Variants in P2RY10 observed in about 807,000 individuals in gnomAD.
P2RY10 encodes the protein putative P2Y purinoceptor 10.
P2RY10 carries 4 observed loss-of-function variants against 12.1 expected under a neutral mutation model. The observed-to-expected ratio is 0.33, with a 90% CI of 0.16 to 0.76. The LOEUF is 0.76. P2RY10 is among the 30% of genes least tolerant of loss of function. The pLI is 0.61. For missense variants in P2RY10, 233 were observed against 264.6 expected, an observed-to-expected ratio of 0.88 and a Z score of 0.83; for synonymous variants, 112 against 94.1, an observed-to-expected ratio of 1.19 and a Z score of -1.10.
At chrX:78,957,477 G>T (rs1922394626) in intron 3 of P2RY10, among the ~76,000 whole-genome samples, 1 of 109,082 alleles carries the variant, frequency 9.2e-6, no homozygotes, top group Admixed American at 9.9e-5. Flanking sequence ...CTTCCATCCA[G>T]GATTTTCTTG....
intron 3 of P2RY10, among the ~76,000 whole-genome samples, chrX:78,955,320 G>C (rs1922286615): frequency 8.9e-6 from 1 of 111,760 alleles, no homozygotes; most frequent in African/African-American, 3.3e-5. Flanking sequence ...CTGGCATGAG[G>C]CAGATTGATT....
At position 78,962,568 on chromosome X, in the gene P2RY10, G is replaced by C. The variant is rs183174613; in HGVS notation, c.*1028G>C. Among the ~76,000 whole-genome samples, 152 of 111,810 alleles carry C rather than the reference G, an allele frequency of 1.4e-3. 3 individuals carry two copies. The Admixed American group carries it at 0.014, about 10-fold the overall frequency. Reference sequence around the variant, plus strand: ...AAGGCCATTTCAACATGGTTTGCCTGGAATTCTCCAAAAAACCTGTGGGTT... The same window carrying C: ...AAGGCCATTTCAACATGGTTTGCCTCGAATTCTCCAAAAAACCTGTGGGTT... On this transcript the variant is annotated 3_prime_UTR_variant, in exon 4 of 4. Transcript: ENST00000171757.
At chrX:78,948,015 A>G (rs1042620153) in intron 2 of P2RY10, among the ~76,000 whole-genome samples, 152 bp downstream of exon 2, 3 of 112,025 alleles carry the variant, frequency 2.7e-5, no homozygotes, top group African/African-American at 9.7e-5. Context: ...ACATTTCACT[A>G]CAAGGTTACT....
chrX:78,951,886 CATTAGCT>C (rs1026945575), intron 2 of P2RY10, among the ~76,000 whole-genome samples: 8 of 111,532 alleles, frequency 7.2e-5, no homozygotes, highest in African/African-American at 2.6e-4. Flanking sequence ...GCCCAGCATC[CATTAGCT>C]ATTCTTCCTG....
intron 3 of P2RY10, among the ~76,000 whole-genome samples, chrX:78,956,353 G>T (rs1001652766): frequency 3.6e-5 from 4 of 111,345 alleles, no homozygotes; most frequent in Non-Finnish European, 7.6e-5. Flanking sequence ...GGAAATAGTC[G>T]GCATCAGAAA....
In P2RY10 at chrX:78,946,747, T is replaced by C. The variant is rs371893356; in HGVS notation, c.-205-1068T>C. ...ATCACACATTTGGGGCAATTGTTTT[T>C]GCAATGGTTCCTGTTGAACACAGAT... On this transcript the variant is annotated intron_variant, in intron 1 of 3. Coordinates refer to ENST00000171757, the MANE Select transcript of P2RY10 (RefSeq NM_014499.4). Among the ~76,000 whole-genome samples the C allele has an allele frequency of 1.3e-4, 15 of 112,607 alleles. No homozygotes were observed. The South Asian group carries it at 4.8e-3, about 36-fold the overall frequency.
chrX:78,953,995 G>A (rs763327749), intron 3 of P2RY10, among the ~76,000 whole-genome samples: 51 of 111,700 alleles, frequency 4.6e-4, no homozygotes, highest in Non-Finnish European at 8.7e-4. Context: ...CTCCTGAGTG[G>A]CTGGGACCAC....
chrX:78,961,760 A>C lies in P2RY10; in HGVS notation c.*220A>C, dbSNP rs1479009371. The C allele has an allele frequency of 3.2e-6, 1 of 315,881 alleles. No homozygotes were observed. The highest frequency in any genetic ancestry group is 5.7e-6 in the Non-Finnish European group (1 of 176,406). The allele number at this position is 315,881 out of a possible 1,213,427, so 26.0% of individuals were successfully genotyped here. A position where few individuals can be genotyped will look rare whatever the true frequency, so the allele number is the denominator to read the frequency against. On this transcript the variant is annotated 3_prime_UTR_variant, in exon 4 of 4. Coordinates refer to ENST00000171757, the MANE Select transcript of P2RY10 (RefSeq NM_014499.4). ...TAGATTTACCTGATTCCTCTTTAAA[A>C]TTCAAGCCACTTTCTTATTTAAGAA... is the stretch of plus-strand genomic sequence containing the variant.
At chrX:78,945,663 T>C (rs1921796253) in intron 1 of P2RY10, among the ~76,000 whole-genome samples, 168 bp downstream of exon 1, 1 of 111,665 alleles carries the variant, frequency 9.0e-6, no homozygotes, top group Admixed American at 9.5e-5. Context: ...TACTGTTGAG[T>C]TTGACCAGAG....
chrX:78,949,000 A>G (rs764059953), intron 2 of P2RY10, among the ~76,000 whole-genome samples: 1 of 111,932 alleles, frequency 8.9e-6, no homozygotes, highest in South Asian at 3.7e-4. Flanking sequence ...ACTAATTTAC[A>G]TTTCTACCAG....
intron 3 of P2RY10, among the ~76,000 whole-genome samples, chrX:78,957,357 G>GACACACACAC (rs765759888): frequency 0.014 from 791 of 57,744 alleles, 8 homozygotes; most frequent in African/African-American, 0.021. Flanking sequence ...GGAAGAGAAA[G>GACACACACAC]ACACACACAC....
At position 78,961,197 on chromosome X, in the gene P2RY10, G is replaced by A; in HGVS notation, c.677G>A (p.Arg226Lys). ...ACCTGGAAAACTACTATATCCTTGAGACAGCCACCAATGGCTTTCCAAGGG... is the reference window on the plus strand; with the variant it reads ...ACCTGGAAAACTACTATATCCTTGAAACAGCCACCAATGGCTTTCCAAGGG... Reference protein sequence around the residue: ...WCTWKTTISLRQPPMAFQGIS... With the variant: ...WCTWKTTISLKQPPMAFQGIS... The change falls in exon 4 of 4, where the codon AGA (arginine) becomes AAA (lysine). Residue 226 changes from arginine (R) to lysine (K), a missense_variant. Transcript: ENST00000171757. The A allele has an allele frequency of 1.7e-6, 2 of 1,209,822 alleles. No homozygotes were observed. Among genetic ancestry groups the A allele is most frequent in the Non-Finnish European group, 2.2e-6 (2 of 893,783 alleles).
intron 2 of P2RY10, 67 bp from the exon 3 acceptor site, chrX:78,952,126 G>A (rs757669091): frequency 4.0e-6 from 2 of 504,254 alleles, no homozygotes; most frequent in African/African-American, 5.2e-5. Context: ...AGTATTTAGA[G>A]ACACACTTTG....
At chrX:78,958,718 T>C (rs964574625) in intron 3 of P2RY10, among the ~76,000 whole-genome samples, 2 of 112,243 alleles carry the variant, frequency 1.8e-5, no homozygotes, top group African/African-American at 6.5e-5. Flanking sequence ...TGCCTTTCCA[T>C]TTGTGAGAGT....
At chrX:78,950,529 C>A (rs1470420436) in intron 2 of P2RY10, among the ~76,000 whole-genome samples, 2 of 111,480 alleles carry the variant, frequency 1.8e-5, no homozygotes, top group Non-Finnish European at 3.8e-5. Flanking sequence ...ATTCAGATCA[C>A]TCCTGTTGTA....
Position 78,947,044 on chromosome X carries a change from T to C in P2RY10, c.-205-771T>C, listed in dbSNP as rs143973894. Among the ~76,000 whole-genome samples the C allele has an allele frequency of 1.2e-3, 129 of 110,234 alleles. 1 individual carries two copies. Among genetic ancestry groups the C allele is most frequent in the African/African-American group, 4.2e-3 (126 of 30,294 alleles). On this transcript the variant is annotated intron_variant, in intron 1 of 3. Coordinates refer to ENST00000171757, the MANE Select transcript of P2RY10 (RefSeq NM_014499.4). ...GCCTGGTCAACATGGCGAAACCCCG[T>C]TTCTACTAAAAAATACAGAAATTAG...
chrX:78,947,544 C>T (rs1288996483), intron 1 of P2RY10, among the ~76,000 whole-genome samples: 1 of 111,629 alleles, frequency 9.0e-6, no homozygotes, highest in Non-Finnish European at 1.9e-5. Flanking sequence ...ACTGGTGTGG[C>T]CTTCGGTGAG....
rs1400326602 is a variant in P2RY10, at chrX:78,949,210, T to A, written c.-157+1347T>A. ...TTCTTTTGAGGAATCTCTATTTATG[T>A]CCTTTGCCCACTCTATAATGGGATT... On this transcript the variant is annotated intron_variant, in intron 2 of 3. Coordinates refer to ENST00000171757, the MANE Select transcript of P2RY10 (RefSeq NM_014499.4). Among the ~76,000 whole-genome samples, 5 of 112,035 alleles carry A rather than the reference T, an allele frequency of 4.5e-5. No homozygotes were observed. In the East Asian group the frequency reaches 1.4e-3, roughly 31 times the overall value.
rs1202182127 is a variant in P2RY10 at position 78,962,002 on chromosome X, T to G, written c.*462T>G. On this transcript the variant is annotated 3_prime_UTR_variant, in exon 4 of 4. Coordinates refer to ENST00000171757, the MANE Select transcript of P2RY10 (RefSeq NM_014499.4). ...AATTTTTCTAACAGGCAAGACAGTG[T>G]GAAGAATTGAAGCAATATGTGCATA... is the stretch of plus-strand genomic sequence containing the variant. The G allele has an allele frequency of 8.3e-6, 1 of 120,388 alleles. No homozygotes were observed. Among genetic ancestry groups the G allele is most frequent in the Admixed American group, 9.4e-5 (1 of 10,597 alleles). The allele number at this position is 120,388 out of a possible 1,213,427, so 9.9% of individuals were successfully genotyped here. A position where few individuals can be genotyped will look rare whatever the true frequency, so the allele number is the denominator to read the frequency against.
Sources: gnomAD v4.1 joint callset for allele counts (sites outside exome capture counted in the v4.1 genomes callset) on GRCh38, gnomAD v4.1.1 for gene constraint, MANE v1.5 for transcripts, NCBI Gene and HGNC (gene_info 2026-07-23, HGNC 2026-07-21) for gene names.